STON1: variants seen among roughly 807,000 people sequenced by gnomAD.
STON1 encodes stonin-1.
STON1 carries 79 observed loss-of-function variants against 60.9 expected under a neutral mutation model. The ratio of observed to expected loss-of-function variants is 1.30; its 90% confidence interval spans 1.08 to 1.56. The LOEUF is 1.56. Ranked by LOEUF, STON1 falls within the 40% of genes most tolerant of loss-of-function variation. The pLI is 0.00. For missense variants in STON1, 1,166 were observed against 858.9 expected (o/e 1.36, Z -4.47); for synonymous variants, 363 against 306.9 (o/e 1.18, Z -1.91).
intron 1 of STON1, among the ~76,000 whole-genome samples, chr2:48,567,196 A>G (rs1442735015): frequency 1.3e-5 from 2 of 152,142 alleles, no homozygotes; most frequent in Non-Finnish European, 2.9e-5. Context: ...TGAACTAAAT[A>G]CCCCACATGT....
At chr2:48,561,710 A>C (rs1208825588) in intron 1 of STON1, among the ~76,000 whole-genome samples, 1 of 152,206 alleles carries the variant, frequency 6.6e-6, no homozygotes, top group Admixed American at 6.5e-5. Flanking sequence ...GGACACTGCC[A>C]AATGTTTCCT....
At chr2:48,583,703 G>GCATT (rs1674032670) in intron 2 of STON1, among the ~76,000 whole-genome samples, 1 of 149,132 alleles carries the variant, frequency 6.7e-6, no homozygotes, top group African/African-American at 2.5e-5. Context: ...CTGAGTTGAT[G>GCATT]CATTCATGCA....
rs1193772922 is a variant in STON1 at position 48,557,419 on chromosome 2, C to A, written c.-47-23168C>A. ...GCTCCTCACTTCCTAGATGTGATGG[C>A]GGCCGGGCAGAGACGCTCCTCACTT... On this transcript the variant is annotated intron_variant, in intron 1 of 3. Coordinates refer to ENST00000404752, the MANE Select transcript of STON1 (RefSeq NM_006873.4). Among the ~76,000 whole-genome samples, 4 of 96,124 alleles carry A rather than the reference C, an allele frequency of 4.2e-5. 2 individuals carry two copies. Among genetic ancestry groups the A allele is most frequent in the Non-Finnish European group, 9.9e-5 (4 of 40,564 alleles). 63.1% of individuals were successfully genotyped at this position (96,124 alleles called of 152,430 possible).
chr2:48,537,366 A>G (rs750959073), intron 1 of STON1, among the ~76,000 whole-genome samples: 3 of 152,178 alleles, frequency 2.0e-5, no homozygotes, highest in African/African-American at 7.2e-5. Context: ...TGTCTTTTTC[A>G]TAACTATATG....
chr2:48,595,218 T>C lies in STON1; in HGVS notation c.2134-10T>C. 6.2e-7 allele frequency: 1 copy of C among 1,611,400 alleles called. No individual in the cohort carries two copies. Among genetic ancestry groups the C allele is most frequent in the Non-Finnish European group, 8.5e-7 (1 of 1,177,612 alleles). On this transcript the variant is annotated splice_polypyrimidine_tract_variant and intron_variant, in intron 3 of 3. Coordinates refer to ENST00000404752, the MANE Select transcript of STON1 (RefSeq NM_006873.4). The stretch of plus-strand genomic sequence containing the variant: ...GTTAATGCTGCCTGTGTTTTGCTTT[T>C]GCATAACAGGTTGAAATAGAAAAGA...
At chr2:48,541,569 CA>C (rs1311761972) in intron 1 of STON1, among the ~76,000 whole-genome samples, 13 of 147,938 alleles carry the variant, frequency 8.8e-5, no homozygotes, top group African/African-American at 3.2e-4. Context: ...CATGGTGGTG[CA>C]CGCCTGTAGT....
chr2:48,546,316 G>C (rs1671864647), intron 1 of STON1, among the ~76,000 whole-genome samples: 1 of 152,122 alleles, frequency 6.6e-6, no homozygotes, highest in South Asian at 2.1e-4. Flanking sequence ...ATTAACTCCT[G>C]GCTCCAGCTT....
chr2:48,589,409 A>T (rs1674391971), intron 2 of STON1, among the ~76,000 whole-genome samples: 1 of 152,220 alleles, frequency 6.6e-6, no homozygotes, highest in East Asian at 1.9e-4. Context: ...TCTATCTTTT[A>T]TTCATTAATT....
At chr2:48,587,152 G>C (rs1293791732) in intron 2 of STON1, among the ~76,000 whole-genome samples, 1 of 152,186 alleles carries the variant, frequency 6.6e-6, no homozygotes, top group African/African-American at 2.4e-5. Context: ...ATGAGGCTCA[G>C]GTGTTGATGT....
At chr2:48,565,425 C>A (rs1672899417) in intron 1 of STON1, among the ~76,000 whole-genome samples, 1 of 151,960 alleles carries the variant, frequency 6.6e-6, no homozygotes, top group South Asian at 2.1e-4. Context: ...TTCTAATGGC[C>A]CCATCTCTAA....
chr2:48,547,867 T>G (rs1671927464), intron 1 of STON1, among the ~76,000 whole-genome samples: 1 of 152,268 alleles, frequency 6.6e-6, no homozygotes, highest in Non-Finnish European at 1.5e-5. Flanking sequence ...TGGAAGAGTT[T>G]ACGCAGCACA....
chr2:48,561,279 C>T (rs1304004219), intron 1 of STON1, among the ~76,000 whole-genome samples: 2 of 152,186 alleles, frequency 1.3e-5, no homozygotes, highest in African/African-American at 4.8e-5. Flanking sequence ...GCCAGATGCC[C>T]CACTCTCCTT....
At chr2:48,577,837 A>G (rs1195901505) in intron 1 of STON1, among the ~76,000 whole-genome samples, 1 of 151,826 alleles carries the variant, frequency 6.6e-6, no homozygotes, top group Non-Finnish European at 1.5e-5. Flanking sequence ...GCTGATCTCC[A>G]ACTCCTGACC....
chr2:48,564,484 TTC>T lies in STON1; in HGVS notation c.-47-16101_-47-16100del, dbSNP rs1430901486. The stretch of plus-strand genomic sequence containing the variant: ...TTCTTCTTCTTCTTCTTCTTCTTTC[TTC>T]TTCTTCTTCTTCTTCTTCTTCTTCT... On this transcript the variant is annotated intron_variant, in intron 1 of 3. Transcript: ENST00000404752. Among the ~76,000 whole-genome samples the T allele has an allele frequency of 1.2e-3, 28 of 23,286 alleles. 1 individual carries two copies. Among genetic ancestry groups the T allele is most frequent in the Admixed American group, 3.3e-3 (8 of 2,460 alleles). 15.3% of individuals were successfully genotyped at this position (23,286 alleles called of 152,430 possible).
chr2:48,588,144 G>A (rs1356781196), intron 2 of STON1, among the ~76,000 whole-genome samples: 1 of 152,246 alleles, frequency 6.6e-6, no homozygotes, highest in Admixed American at 6.5e-5. Context: ...GACTGAGCAA[G>A]TGGGATCTGG....
chr2:48,578,558 T>TCTCCTCCTTCTCCTCCTC (rs2103902057), intron 1 of STON1, among the ~76,000 whole-genome samples: 1 of 54,640 alleles, frequency 1.8e-5, no homozygotes, highest in African/African-American at 4.9e-5. Context: ...TTCTCCTCCT[T>TCTCCTCCTTCTCCTCCTC]CTCCTCCTCC....
At chr2:48,583,697 G>A (rs534411780) in intron 2 of STON1, among the ~76,000 whole-genome samples, 1 of 149,736 alleles carries the variant, frequency 6.7e-6, no homozygotes, top group Non-Finnish European at 1.5e-5. Context: ...GGGGACCTGA[G>A]TTGATGCATT....
In STON1 at chr2:48,582,570, A is replaced by T. The variant is rs1673957010; in HGVS notation, c.1930+7A>T. 1.2e-6 allele frequency: 2 copies of T among 1,603,028 alleles called. No homozygotes were observed. The highest frequency in any genetic ancestry group is 1.1e-5 in the South Asian group (1 of 89,116). On this transcript the variant is annotated splice_region_variant and intron_variant, in intron 2 of 3. Transcript: ENST00000404752. ...CTTCCAGACAAAAATTCAAGTAAATATTCAACACCCCAAGTTTATTTTCAT... is the reference window on the plus strand; with the variant it reads ...CTTCCAGACAAAAATTCAAGTAAATTTTCAACACCCCAAGTTTATTTTCAT...
chr2:48,532,233 C>T (rs921580419), intron 1 of STON1, among the ~76,000 whole-genome samples: 1 of 151,914 alleles, frequency 6.6e-6, no homozygotes, highest in African/African-American at 2.4e-5. Context: ...CTGTAATTCC[C>T]AGCTACTTGG....
Sources: gnomAD v4.1 joint callset for allele counts (sites outside exome capture counted in the v4.1 genomes callset) on GRCh38, gnomAD v4.1.1 for gene constraint, MANE v1.5 for transcripts, NCBI Gene and HGNC (gene_info 2026-07-23, HGNC 2026-07-21) for gene names.